Variants in ST6GALNAC5 observed in about 807,000 individuals in gnomAD.
The protein encoded by ST6GALNAC5 is ST6 N-acetylgalactosaminide alpha-2,6-sialyltransferase 5.
ST6GALNAC5 carries 27 observed loss-of-function variants against 33.6 expected under a neutral mutation model. The ratio of observed to expected loss-of-function variants is 0.80; its 90% CI spans 0.59 to 1.11. The LOEUF (loss-of-function observed/expected upper bound fraction) is 1.11, where lower values mean the gene tolerates loss of function less well. ST6GALNAC5 is among the 50% of genes least tolerant of loss of function. ST6GALNAC5 has a pLI of 0.00. For missense variants in ST6GALNAC5, 428 were observed against 454.0 expected, an observed-to-expected ratio of 0.94 and a Z score of 0.52; for synonymous variants, 194 against 171.2, an observed-to-expected ratio of 1.13 and a Z score of -1.04.
intron 2 of ST6GALNAC5, among the ~76,000 whole-genome samples, chr1:76,917,898 C>T (rs1399208106): frequency 6.6e-6 from 1 of 152,082 alleles, no homozygotes; most frequent in Non-Finnish European, 1.5e-5. Context: ...GGTGCTCCCT[C>T]TTACTGGGAC....
intron 2 of ST6GALNAC5, among the ~76,000 whole-genome samples, chr1:76,933,731 G>A (rs1245556728): frequency 7.2e-6 from 1 of 138,218 alleles, no homozygotes; most frequent in Non-Finnish European, 1.5e-5. Flanking sequence ...CATTAGCTGA[G>A]GTCAGTATGG....
chr1:76,986,426 C>G (rs1381609160), intron 2 of ST6GALNAC5, among the ~76,000 whole-genome samples: 1 of 152,220 alleles, frequency 6.6e-6, no homozygotes, highest in Non-Finnish European at 1.5e-5. Flanking sequence ...CTCATCATCA[C>G]TGGTTATTAG....
intron 2 of ST6GALNAC5, among the ~76,000 whole-genome samples, chr1:77,012,167 A>G (rs1410565066): frequency 6.6e-6 from 1 of 152,214 alleles, no homozygotes; most frequent in Non-Finnish European, 1.5e-5. Context: ...ACAGAGAGAT[A>G]TAAGAAGTCT....
intron 2 of ST6GALNAC5, among the ~76,000 whole-genome samples, chr1:76,990,879 G>A (rs977461473): frequency 6.6e-6 from 1 of 152,124 alleles, no homozygotes; most frequent in African/African-American, 2.4e-5. Flanking sequence ...ATTAATGGCA[G>A]AGAGCCTTTA....
chr1:76,876,534 C>G (rs1481173089), intron 2 of ST6GALNAC5, among the ~76,000 whole-genome samples: 3 of 152,230 alleles, frequency 2.0e-5, no homozygotes, highest in African/African-American at 7.2e-5. Flanking sequence ...GGTCCATCCA[C>G]ATACCTCTTC....
intron 2 of ST6GALNAC5, among the ~76,000 whole-genome samples, chr1:76,998,207 G>T (rs1461984164): frequency 1.3e-5 from 2 of 152,028 alleles, no homozygotes; most frequent in Non-Finnish European, 2.9e-5. Context: ...AGGAGTAGTG[G>T]ATCACTGCTG....
At chr1:77,056,629 G>A (rs770596695) in intron 4 of ST6GALNAC5, among the ~76,000 whole-genome samples, 5 of 152,202 alleles carry the variant, frequency 3.3e-5, no homozygotes, top group Non-Finnish European at 5.9e-5. Flanking sequence ...CTTACTTGGC[G>A]ACAGTCCACC....
chr1:76,916,832 T>TTTAAATGATTTAA (rs1646981059), intron 2 of ST6GALNAC5, among the ~76,000 whole-genome samples: 1 of 152,192 alleles, frequency 6.6e-6, no homozygotes, highest in African/African-American at 2.4e-5. Flanking sequence ...ATGAGTTTTT[T>TTTAAATGATTTAA]CTTATGTTTG....
intron 2 of ST6GALNAC5, among the ~76,000 whole-genome samples, chr1:76,949,721 C>G (rs1182478668): frequency 1.3e-5 from 2 of 152,102 alleles, no homozygotes; most frequent in Non-Finnish European, 2.9e-5. Flanking sequence ...CGAGAGGCAT[C>G]CCTCCCACAG....
chr1:76,951,391 G>A (rs774925484), intron 2 of ST6GALNAC5, among the ~76,000 whole-genome samples: 17 of 152,200 alleles, frequency 1.1e-4, no homozygotes, highest in South Asian at 6.2e-4. Context: ...ACCAAACACC[G>A]CACATTCTCA....
chr1:76,967,021 G>A (rs968009067), intron 2 of ST6GALNAC5, among the ~76,000 whole-genome samples: 1 of 152,140 alleles, frequency 6.6e-6, no homozygotes, highest in Admixed American at 6.5e-5. Context: ...GAGGATTTTT[G>A]CATCAATGTT....
chr1:77,063,913 G>T lies in ST6GALNAC5; in HGVS notation c.*707G>T, dbSNP rs1374435626. ...GTATTTGACTTGGAAGTGTTGTGTT[G>T]TATTTTTTGAACCCCTAGGCTTCAG... is the stretch of plus-strand genomic sequence containing the variant. On this transcript the variant is annotated 3_prime_UTR_variant, in exon 5 of 5. Transcript: ENST00000477717. 1 of 152,546 alleles carries T rather than the reference G, an allele frequency of 6.6e-6. No homozygotes were observed. The highest frequency in any genetic ancestry group is 2.4e-5 in the African/African-American group (1 of 41,418). The allele number at this position is 152,546 out of a possible 1,614,324, so 9.4% of individuals were successfully genotyped here.
At chr1:76,995,497 A>G (rs1243320632) in intron 2 of ST6GALNAC5, 2 of 152,156 alleles carry the variant, frequency 1.3e-5, no homozygotes, top group African/African-American at 2.4e-5. Flanking sequence ...TCCTCAGACT[A>G]TCTTATTGAC....
At chr1:77,018,215 T>G (rs1245814661) in intron 2 of ST6GALNAC5, among the ~76,000 whole-genome samples, 1 of 152,164 alleles carries the variant, frequency 6.6e-6, no homozygotes, top group Non-Finnish European at 1.5e-5. Flanking sequence ...AAAATTCTGG[T>G]GCACCTTCAT....
At chr1:76,980,021 A>G (rs1344261398) in intron 2 of ST6GALNAC5, among the ~76,000 whole-genome samples, 1 of 152,170 alleles carries the variant, frequency 6.6e-6, no homozygotes, top group African/African-American at 2.4e-5. Context: ...ACAAAATTGG[A>G]CTGAGCAAGG....
At chr1:76,911,043 G>C (rs1243868125) in intron 2 of ST6GALNAC5, among the ~76,000 whole-genome samples, 1 of 152,064 alleles carries the variant, frequency 6.6e-6, no homozygotes. Flanking sequence ...CTTGCTGTTA[G>C]AAGACAGAAC....
intron 2 of ST6GALNAC5, among the ~76,000 whole-genome samples, chr1:76,911,386 A>G (rs1646909771): frequency 2.0e-5 from 3 of 152,074 alleles, no homozygotes; most frequent in Admixed American, 2.0e-4. Flanking sequence ...TTCATCAAGG[A>G]TATTGGTCTA....
At chr1:76,975,585 A>G (rs1277994588) in intron 2 of ST6GALNAC5, among the ~76,000 whole-genome samples, 3 of 152,222 alleles carry the variant, frequency 2.0e-5, no homozygotes, top group African/African-American at 7.2e-5. Context: ...AATGGAGATT[A>G]ACAGATTATA....
intron 2 of ST6GALNAC5, among the ~76,000 whole-genome samples, chr1:77,020,839 C>T (rs1389164673): frequency 6.6e-6 from 1 of 152,242 alleles, no homozygotes; most frequent in Non-Finnish European, 1.5e-5. Flanking sequence ...GGCTCCGTTA[C>T]ACCTCTGGGG....
Sources: allele counts gnomAD v4.1 joint callset (sites outside exome capture counted in the v4.1 genomes callset), GRCh38; gene constraint gnomAD v4.1.1; transcripts MANE v1.5; gene names NCBI Gene and HGNC (gene_info 2026-07-23, HGNC 2026-07-21).